The following EXOC6B variants were observed in gnomAD, a reference collection of about 807,000 sequenced individuals.
The protein encoded by EXOC6B is SEC15 homolog B.
In EXOC6B, 54 loss-of-function variants were observed where a neutral mutation model predicts 113.5. The ratio of observed to expected loss-of-function variants is 0.48; its 90% confidence interval spans 0.38 to 0.60. EXOC6B has a LOEUF of 0.60. Ranked by LOEUF, EXOC6B falls within the 20% of genes least tolerant of loss-of-function variation. EXOC6B has a pLI of 0.00. For missense variants in EXOC6B, 797 were observed against 977.5 expected, an observed-to-expected ratio of 0.82 and a Z score of 2.46; for synonymous variants, 357 against 339.0, an observed-to-expected ratio of 1.05 and a Z score of -0.58.
intron 18 of EXOC6B, among the ~76,000 whole-genome samples, chr2:72,397,636 A>AT (rs1692822931): frequency 1.7e-5 from 2 of 121,174 alleles, no homozygotes; most frequent in African/African-American, 1.1e-4. Flanking sequence ...AAAATAAAAT[A>AT]AAATAAAATA....
At chr2:72,397,089 CTGT>C (rs1692777782) in intron 18 of EXOC6B, among the ~76,000 whole-genome samples, 1 of 152,024 alleles carries the variant, frequency 6.6e-6, no homozygotes, top group Non-Finnish European at 1.5e-5. Flanking sequence ...AATTCTCAGC[CTGT>C]TGTCAGATAG....
chr2:72,678,092 G>C (rs1000711732), intron 6 of EXOC6B, among the ~76,000 whole-genome samples: 1 of 152,164 alleles, frequency 6.6e-6, no homozygotes, highest in African/African-American at 2.4e-5. Context: ...CCAGGACCCT[G>C]ACAGCCTGAC....
intron 20 of EXOC6B, among the ~76,000 whole-genome samples, chr2:72,185,383 G>A (rs1260806052): frequency 6.6e-6 from 1 of 152,260 alleles, no homozygotes; most frequent in African/African-American, 2.4e-5. Context: ...TATGGGCCTT[G>A]CCCTGTTTGG....
intron 19 of EXOC6B, among the ~76,000 whole-genome samples, chr2:72,351,891 A>C (rs1366873003): frequency 2.0e-5 from 3 of 152,126 alleles, no homozygotes; most frequent in Non-Finnish European, 4.4e-5. Context: ...TCTTTCCATG[A>C]ATTCCTTATG....
chr2:72,300,290 G>C (rs1686428447), intron 20 of EXOC6B, among the ~76,000 whole-genome samples: 2 of 152,192 alleles, frequency 1.3e-5, no homozygotes, highest in Non-Finnish European at 2.9e-5. Context: ...GTTCCGCCCA[G>C]TTGGAACTTC....
rs545391753 is a variant in EXOC6B at position 72,448,968 on chromosome 2, G to A, written c.1980+16192C>T. ...TATATTCACAAGTTTAAAAAGAGTCGTATGAAATTCATAGCGCCAGACTGT... is the reference window on the plus strand; with the variant it reads ...TATATTCACAAGTTTAAAAAGAGTCATATGAAATTCATAGCGCCAGACTGT... On this transcript the variant is annotated intron_variant, in intron 18 of 21. Coordinates refer to ENST00000272427, the MANE Select transcript of EXOC6B (RefSeq NM_015189.3). 5.3e-5 allele frequency among the ~76,000 whole-genome samples: 8 copies of A among 152,218 alleles called. No individual in the cohort carries two copies. In the East Asian group the frequency reaches 9.7e-4, roughly 18 times the overall value.
intron 20 of EXOC6B, among the ~76,000 whole-genome samples, chr2:72,313,185 GAGAGGAAC>G (rs1687309506): frequency 1.3e-5 from 2 of 151,918 alleles, no homozygotes; most frequent in Non-Finnish European, 2.9e-5. Context: ...GAACAACACA[GAGAGGAAC>G]AACACAGATT....
chr2:72,659,256 C>A (rs922620050), intron 6 of EXOC6B, among the ~76,000 whole-genome samples: 11 of 152,078 alleles, frequency 7.2e-5, no homozygotes, highest in African/African-American at 2.7e-4. Flanking sequence ...GCAAATAACT[C>A]TCATGAGATC....
intron 20 of EXOC6B, among the ~76,000 whole-genome samples, chr2:72,299,757 C>T (rs1429855636): frequency 6.6e-6 from 1 of 152,108 alleles, no homozygotes; most frequent in Non-Finnish European, 1.5e-5. Context: ...TGATACTATT[C>T]CTTTCTGTTT....
At chr2:72,421,838 G>A (rs981269752) in intron 18 of EXOC6B, among the ~76,000 whole-genome samples, 6 of 152,206 alleles carry the variant, frequency 3.9e-5, no homozygotes, top group African/African-American at 1.4e-4. Flanking sequence ...GGAGAGGCGC[G>A]AGCGGGAACC....
At chr2:72,772,671 T>C (rs1484506307) in intron 1 of EXOC6B, among the ~76,000 whole-genome samples, 1 of 151,880 alleles carries the variant, frequency 6.6e-6, no homozygotes, top group Non-Finnish European at 1.5e-5. Context: ...AATGCCTACC[T>C]GCTGACCCAG....
chr2:72,544,967 G>A (rs1249489306), intron 8 of EXOC6B, among the ~76,000 whole-genome samples: 1 of 151,876 alleles, frequency 6.6e-6, no homozygotes, highest in Admixed American at 6.6e-5. Context: ...TCTAGTAAAG[G>A]AATAGTAAAT....
intron 6 of EXOC6B, among the ~76,000 whole-genome samples, chr2:72,712,921 T>A (rs1390912510): frequency 6.6e-6 from 1 of 152,234 alleles, no homozygotes; most frequent in Admixed American, 6.5e-5. Flanking sequence ...TTCCTAGTGA[T>A]AAAGTTCTAT....
At chr2:72,461,859 C>T (rs1697701781) in intron 18 of EXOC6B, 1 of 151,906 alleles carries the variant, frequency 6.6e-6, no homozygotes, top group African/African-American at 2.4e-5. Context: ...GGAGTGTTAC[C>T]ATTTTCTTAT....
chr2:72,569,955 T>C (rs1351230799), intron 7 of EXOC6B, among the ~76,000 whole-genome samples: 1 of 152,194 alleles, frequency 6.6e-6, no homozygotes, highest in Non-Finnish European at 1.5e-5. Flanking sequence ...TAAATCTTTT[T>C]TGTATACTTT....
chr2:72,445,737 C>G (rs1355887840), intron 18 of EXOC6B, among the ~76,000 whole-genome samples: 3 of 152,152 alleles, frequency 2.0e-5, no homozygotes, highest in African/African-American at 7.2e-5. Flanking sequence ...CAATTACCTC[C>G]CACTGGGTCC....
intron 6 of EXOC6B, among the ~76,000 whole-genome samples, chr2:72,708,947 T>G (rs906458426): frequency 6.9e-6 from 1 of 145,708 alleles, no homozygotes; most frequent in Admixed American, 7.0e-5. Context: ...TCTTACTATG[T>G]TGCCCACACT....
intron 5 of EXOC6B, among the ~76,000 whole-genome samples, chr2:72,728,748 T>G (rs1200231062): frequency 1.3e-5 from 2 of 152,008 alleles, no homozygotes; most frequent in East Asian, 3.9e-4. Flanking sequence ...AAAAGTCACA[T>G]GGAACTGGGA....
At chr2:72,779,451 C>T (rs1333076605) in intron 1 of EXOC6B, among the ~76,000 whole-genome samples, 2 of 151,726 alleles carry the variant, frequency 1.3e-5, no homozygotes, top group African/African-American at 2.4e-5. Context: ...ACATAGAAAA[C>T]ATGTTCAAAA....
Sources: allele counts gnomAD v4.1 joint callset (sites outside exome capture counted in the v4.1 genomes callset), GRCh38; gene constraint gnomAD v4.1.1; transcripts MANE v1.5; gene names NCBI Gene and HGNC (gene_info 2026-07-23, HGNC 2026-07-21).